NAALADL2: variants seen among roughly 807,000 people sequenced by gnomAD.
The protein encoded by NAALADL2 is inactive N-acetylated-alpha-linked acidic dipeptidase-like protein 2.
NAALADL2 carries 76 observed loss-of-function variants against 87.2 expected under a neutral mutation model. That is an observed-to-expected ratio of 0.87 (90% confidence interval 0.72 to 1.05). The LOEUF (loss-of-function observed/expected upper bound fraction) is 1.05, where lower values mean the gene tolerates loss of function less well. NAALADL2 is among the 50% of genes least tolerant of loss of function. NAALADL2 has a pLI of 0.00. For missense variants in NAALADL2, 1,089 were observed against 945.8 expected (o/e 1.15, Z -1.99); for synonymous variants, 354 against 331.0 (o/e 1.07, Z -0.75).
rs115864125 is a variant in NAALADL2, at chr3:175,610,505, T to C, written c.1801-16786T>C. ...GCTATGATACTTTATTCTCAGGATC[T>C]TAAGCCATTGTATTCTAGTTTTCTG... On this transcript the variant is annotated intron_variant, in intron 10 of 13. Transcript: ENST00000454872. 4.0e-3 allele frequency among the ~76,000 whole-genome samples: 611 copies of C among 152,268 alleles called. 5 individuals carry two copies. The highest frequency in any genetic ancestry group is 0.013 in the African/African-American group (543 of 41,566).
chr3:175,082,776 A>T (rs1718134667), intron 1 of NAALADL2, among the ~76,000 whole-genome samples: 1 of 152,232 alleles, frequency 6.6e-6, no homozygotes, highest in Non-Finnish European at 1.5e-5. Flanking sequence ...CCTAAAAATA[A>T]GCATAGCTTT....
At chr3:174,710,831 G>T (rs1369179721) in intron 2 of NAALADL2, among the ~76,000 whole-genome samples, 3 of 152,156 alleles carry the variant, frequency 2.0e-5, no homozygotes, top group Non-Finnish European at 2.9e-5. Context: ...AGAGCTTACA[G>T]AGAATTACTC....
chr3:175,083,447 A>G (rs1169593857), intron 1 of NAALADL2, among the ~76,000 whole-genome samples: 1 of 152,194 alleles, frequency 6.6e-6, no homozygotes, highest in East Asian at 1.9e-4. Flanking sequence ...CAGTAATAAT[A>G]AAATATTAAT....
intron 1 of NAALADL2, among the ~76,000 whole-genome samples, chr3:174,947,624 GA>G (rs1192465067): frequency 2.7e-5 from 4 of 150,868 alleles, no homozygotes; most frequent in South Asian, 2.1e-4. Flanking sequence ...TTATTCTTGG[GA>G]AAAAAAACAC....
At chr3:174,990,469 A>C (rs1429528764) in intron 1 of NAALADL2, among the ~76,000 whole-genome samples, 1 of 152,156 alleles carries the variant, frequency 6.6e-6, no homozygotes, top group African/African-American at 2.4e-5. Flanking sequence ...CAAAAATATT[A>C]GATATAGTTG....
chr3:174,700,579 C>CAAAA (rs568183668), intron 2 of NAALADL2, among the ~76,000 whole-genome samples: 1 of 151,598 alleles, frequency 6.6e-6, no homozygotes, highest in African/African-American at 2.4e-5. Context: ...TTTAGAAAAA[C>CAAAA]AAAAAAAATG....
At chr3:174,718,568 T>C (rs1731421407) in intron 2 of NAALADL2, among the ~76,000 whole-genome samples, 1 of 152,140 alleles carries the variant, frequency 6.6e-6, no homozygotes, top group Admixed American at 6.6e-5. Context: ...AAATAACCTT[T>C]TATTATGTCC....
At chr3:175,730,399 T>G (rs1489957064) in intron 11 of NAALADL2, among the ~76,000 whole-genome samples, 6 of 5,872 alleles carry the variant, frequency 1.0e-3, no homozygotes, top group African/African-American at 4.5e-3. Context: ...AATACAGATA[T>G]ATATATATAT....
chr3:174,509,669 G>A (rs71310584), intron 1 of NAALADL2, among the ~76,000 whole-genome samples: 4 of 133,352 alleles, frequency 3.0e-5, no homozygotes, highest in Non-Finnish European at 4.6e-5. Context: ...CTCGTAATCC[G>A]CCCACCTCGG....
chr3:174,669,001 T>A (rs1275791834), intron 2 of NAALADL2, among the ~76,000 whole-genome samples: 2 of 152,192 alleles, frequency 1.3e-5, no homozygotes, highest in Non-Finnish European at 2.9e-5. Flanking sequence ...CCACACTGAC[T>A]TCCACAATGG....
chr3:175,054,183 A>G (rs569564346), intron 1 of NAALADL2, among the ~76,000 whole-genome samples: 2 of 152,348 alleles, frequency 1.3e-5, no homozygotes, highest in Admixed American at 1.3e-4. Context: ...GAGCTGAAGT[A>G]TAGGGCATCT....
chr3:175,195,315 A>T (rs1420310346), intron 2 of NAALADL2, among the ~76,000 whole-genome samples: 1 of 151,836 alleles, frequency 6.6e-6, no homozygotes, highest in Admixed American at 6.6e-5. Flanking sequence ...ACTCTAGTGG[A>T]AGAAGGGAGA....
chr3:174,638,526 G>A (rs11928486), intron 2 of NAALADL2, among the ~76,000 whole-genome samples: 3 of 151,950 alleles, frequency 2.0e-5, no homozygotes, highest in African/African-American at 7.3e-5. Context: ...TTTGCACATA[G>A]AAAATAGCAT....
intron 2 of NAALADL2, among the ~76,000 whole-genome samples, chr3:174,579,189 T>A (rs1359584569): frequency 6.6e-6 from 1 of 151,944 alleles, no homozygotes; most frequent in African/African-American, 2.4e-5. Context: ...ACCCACCCAA[T>A]GGCCTAGCAA....
intron 2 of NAALADL2, among the ~76,000 whole-genome samples, chr3:175,133,320 G>A (rs1343341644): frequency 1.7e-4 from 26 of 151,420 alleles, no homozygotes; most frequent in Admixed American, 2.6e-4. Flanking sequence ...CAGACGGGGT[G>A]GCGGCTGGGC....
chr3:175,086,515 G>A (rs188601608), intron 1 of NAALADL2, among the ~76,000 whole-genome samples: 1 of 152,012 alleles, frequency 6.6e-6, no homozygotes, highest in Non-Finnish European at 1.5e-5. Flanking sequence ...TAAAAATTTT[G>A]CATACAATAT....
rs759016147 is a variant in NAALADL2, at chr3:175,097,256, G to A, written c.510G>A (p.Lys170=). 1.9e-6 allele frequency: 3 copies of A among 1,612,640 alleles called. No individual in the cohort carries two copies. In the Admixed American group the frequency reaches 5.0e-5, roughly 27 times the overall value. Residue 170 remains lysine, a synonymous_variant, in exon 2 of 14, where the codon AAG becomes AAA. Transcript: ENST00000454872. ...CTCAGTTATATCAAGAGATTCTCAA[G>A]ACAATCCAGGCAGAAGATATTAAGA... ...VDPQLYQEIL[K]TIQAEDIKKS... is the part of the protein sequence containing the mutation.
chr3:175,781,931 C>T (rs1443455805), intron 13 of NAALADL2, among the ~76,000 whole-genome samples: 1 of 149,858 alleles, frequency 6.7e-6, no homozygotes, highest in Admixed American at 6.6e-5. Flanking sequence ...GTTCAATTCC[C>T]ACCTATGAGT....
intron 4 of NAALADL2, among the ~76,000 whole-genome samples, chr3:175,259,348 C>T (rs1239244788): frequency 6.6e-6 from 1 of 152,160 alleles, no homozygotes; most frequent in East Asian, 1.9e-4. Context: ...GAATTTTGAT[C>T]ATGATGAGAC....
Sources: gnomAD v4.1 joint callset for allele counts (sites outside exome capture counted in the v4.1 genomes callset) on GRCh38, gnomAD v4.1.1 for gene constraint, MANE v1.5 for transcripts, NCBI Gene and HGNC (gene_info 2026-07-23, HGNC 2026-07-21) for gene names.